Variants in COL18A1 observed in about 807,000 individuals in gnomAD.
The protein encoded by COL18A1 is collagen type XVIII alpha 1 chain, also known as collagen alpha-1(XVIII) chain.
A neutral mutation model predicts 168.0 loss-of-function variants in COL18A1; 133 were observed. The ratio of observed to expected loss-of-function variants is 0.79; its 90% confidence interval spans 0.69 to 0.91. The LOEUF (loss-of-function observed/expected upper bound fraction) is 0.91, where lower values mean the gene tolerates loss of function less well. Ranked by LOEUF, COL18A1 falls within the 40% of genes least tolerant of loss-of-function variation. The pLI is 0.00. For synonymous variants in COL18A1, 949 were observed against 809.0 expected, an observed-to-expected ratio of 1.17 and a Z score of -2.94; for missense variants, 2,126 against 1,925.4, an observed-to-expected ratio of 1.10 and a Z score of -1.95.
At position 45,475,515 on chromosome 21, in the gene COL18A1, G is replaced by A; in HGVS notation, c.778G>A (p.Glu260Lys). 1 of 1,607,196 alleles carries A rather than the reference G, an allele frequency of 6.2e-7. No individual in the cohort carries two copies. The highest frequency in any genetic ancestry group is 8.5e-7 in the Non-Finnish European group (1 of 1,178,436). ...TGGCAGCGGGCTCGGGGACGCCCGG[G>A]AGCTTCTCAGGGAGGAGACGGTGAG... ...DSGSGLGDAR[E>K]LLREETGAAL... The change falls in exon 5 of 42, where the codon GAG becomes AAG. Residue 260 changes from glutamate to lysine, a missense_variant. Transcript: ENST00000651438.
At position 45,494,863 on chromosome 21, in the gene COL18A1, G is replaced by C. The variant is rs746791475; in HGVS notation, c.2381G>C (p.Gly794Ala). ...KGEPGFRGPP[G>A]PYGRPGYKGE... ...AGCCTGGCCCCCTTCCTCTTGCAGG[G>C]TCCATACGGACGGCCGGGGTACAAG... Residue 794 changes from glycine (G) to alanine (A), a missense_variant and splice_region_variant, in exon 28 of 42, where the codon GGT becomes GCT. Transcript: ENST00000651438. The C allele has an allele frequency of 3.0e-5, 48 of 1,608,634 alleles. 4 individuals are homozygous for C. In the South Asian group the frequency reaches 5.3e-4, roughly 18 times the overall value.
chr21:45,432,385 C>T (rs997724248), intron 2 of COL18A1, among the ~76,000 whole-genome samples: 1 of 152,224 alleles, frequency 6.6e-6, no homozygotes, highest in Non-Finnish European at 1.5e-5. Flanking sequence ...TGATTGCCTC[C>T]AGGTTTAAAT....
intron 26 of COL18A1, 154 bp from the exon 27 acceptor site, chr21:45,494,391 G>T: frequency 1.9e-6 from 2 of 1,072,284 alleles, no homozygotes; most frequent in Admixed American, 3.8e-5. Flanking sequence ...GGACGGCCCA[G>T]TGCACCCAAA....
At chr21:45,412,206 G>A (rs1395005611) in intron 2 of COL18A1, among the ~76,000 whole-genome samples, 1 of 150,094 alleles carries the variant, frequency 6.7e-6, no homozygotes, top group African/African-American at 2.5e-5. Flanking sequence ...TTAACTGGGG[G>A]TATGATATTT....
intron 6 of COL18A1, among the ~76,000 whole-genome samples, chr21:45,476,921 T>TTGTG (rs56196443): frequency 0.016 from 2,279 of 146,900 alleles, 20 homozygotes; most frequent in African/African-American, 0.025. Flanking sequence ...ATTATGTGTT[T>TTGTG]TGTGTGTGTG....
intron 2 of COL18A1, among the ~76,000 whole-genome samples, chr21:45,453,211 A>C (rs2034688214): frequency 1.3e-5 from 2 of 152,140 alleles, no homozygotes; most frequent in Non-Finnish European, 2.9e-5. Flanking sequence ...GTGACATGTG[A>C]GCATGTATGT....
chr21:45,439,920 T>A lies in COL18A1; in HGVS notation c.107-28322T>A, dbSNP rs1043022355. 2.6e-5 allele frequency among the ~76,000 whole-genome samples: 4 copies of A among 152,158 alleles called. No homozygotes were observed. In the South Asian group the frequency reaches 8.3e-4, roughly 31 times the overall value. ...TAGGCCTGGGAGATGGGAGTGTTTGTCTGATGACTTCCTGAGCGAAAGCAA... is the reference window on the plus strand; with the variant it reads ...TAGGCCTGGGAGATGGGAGTGTTTGACTGATGACTTCCTGAGCGAAAGCAA... On this transcript the variant is annotated intron_variant, in intron 2 of 41. Transcript: ENST00000651438.
Position 45,476,486 on chromosome 21 carries a change from C to T in COL18A1, c.928+6C>T. On this transcript the variant is annotated splice_donor_region_variant and intron_variant, in intron 6 of 41. Coordinates refer to ENST00000651438, the MANE Select transcript of COL18A1 (RefSeq NM_001379500.1). ...CACGGTGGCTTCGTTAGGAGGTAAG[C>T]TCTTTTCTGGATGTGGTGTGTGTGT... is the stretch of plus-strand genomic sequence containing the variant. 6.3e-7 allele frequency: 1 copy of T among 1,596,554 alleles called. No homozygotes were observed. The highest frequency in any genetic ancestry group is 8.5e-7 in the Non-Finnish European group (1 of 1,171,214).
At chr21:45,466,447 C>G (rs570724188) in intron 2 of COL18A1, among the ~76,000 whole-genome samples, 2 of 152,306 alleles carry the variant, frequency 1.3e-5, no homozygotes, top group African/African-American at 4.8e-5. Flanking sequence ...CCACCATACC[C>G]AGGAAGGTTG....
Position 45,468,528 on chromosome 21 carries a change from GCACCAGGAC to G in COL18A1, c.394_402del (p.His132_Asp134del). The stretch of plus-strand genomic sequence containing the variant: ...TGAAGCTCTCTGGGGTGCAGGACGG[GCACCAGGAC>G]ATCTCCCTGCTCTACACAGAACCAG... On this transcript the variant is annotated inframe_deletion, in exon 3 of 42. Coordinates refer to ENST00000651438, the MANE Select transcript of COL18A1 (RefSeq NM_001379500.1). The G allele has an allele frequency of 6.2e-7, 1 of 1,613,282 alleles. No individual in the cohort carries two copies. The highest frequency in any genetic ancestry group is 8.5e-7 in the Non-Finnish European group (1 of 1,179,816).
At position 45,473,331 on chromosome 21, in the gene COL18A1, G is replaced by T. The variant is rs911753099; in HGVS notation, c.652-564G>T. 6.6e-6 allele frequency among the ~76,000 whole-genome samples: 1 copy of T among 152,222 alleles called. No individual in the cohort carries two copies. Among genetic ancestry groups the T allele is most frequent in the Non-Finnish European group, 1.5e-5 (1 of 68,032 alleles). Reference sequence around the variant, plus strand: ...GTAGGTGGGTGAGTGAGTGAGATTGGGTCCGGACGGAATGGGCGCAGAGAT... The same window carrying T: ...GTAGGTGGGTGAGTGAGTGAGATTGTGTCCGGACGGAATGGGCGCAGAGAT... On this transcript the variant is annotated intron_variant, in intron 3 of 41. Transcript: ENST00000651438. The surrounding 1 kb of genome is among the most constrained non-coding windows in gnomAD (Gnocchi z 4.0).
chr21:45,504,789 GC>G (rs2146077633), intron 34 of COL18A1, among the ~76,000 whole-genome samples: 1 of 152,240 alleles, frequency 6.6e-6, no homozygotes, highest in East Asian at 1.9e-4. Flanking sequence ...CTGCCCTCCT[GC>G]TGGGGCCACG....
At chr21:45,504,083 C>A in intron 33 of COL18A1, 29 bp downstream of exon 33, 1 of 1,611,462 alleles carries the variant, frequency 6.2e-7, no homozygotes. Context: ...GGGTTGGGGG[C>A]CCCCAAGGTC....
At chr21:45,446,443 C>G (rs1283967375) in intron 2 of COL18A1, among the ~76,000 whole-genome samples, 1 of 152,200 alleles carries the variant, frequency 6.6e-6, no homozygotes, top group Non-Finnish European at 1.5e-5. Flanking sequence ...GCAAACTACT[C>G]AAACTGATTC....
chr21:45,490,437 CCCGGGTCCCTGGGTCTCCAT>C (rs2036277351), intron 20 of COL18A1, 91 bp downstream of exon 20: 1 of 1,141,576 alleles, frequency 8.8e-7, no homozygotes. Flanking sequence ...GATGTGCCCT[CCCGGGTCCCTGGGTCTCCAT>C]GTGCCCTCGT....
rs545396645 is a variant in COL18A1 at position 45,466,247 on chromosome 21, G to A, written c.107-1995G>A. ...CGGAGAGTCCCAGCCAGAGGTACCC[G>A]CTGCTCTCCTGCGGGGAGGATGCTG... is the stretch of plus-strand genomic sequence containing the variant. On this transcript the variant is annotated intron_variant, in intron 2 of 41. Transcript: ENST00000651438. Among the ~76,000 whole-genome samples, 6 of 152,278 alleles carry A rather than the reference G, an allele frequency of 3.9e-5. No individual in the cohort carries two copies. The South Asian group carries it at 1.0e-3, about 26-fold the overall frequency.
intron 15 of COL18A1, among the ~76,000 whole-genome samples, chr21:45,484,713 A>G (rs891591963): frequency 2.6e-5 from 4 of 152,232 alleles, no homozygotes; most frequent in Non-Finnish European, 4.4e-5. Flanking sequence ...GCACACATGC[A>G]CACACATCTC....
At chr21:45,444,638 G>A (rs60616948) in intron 2 of COL18A1, among the ~76,000 whole-genome samples, 3 of 152,086 alleles carry the variant, frequency 2.0e-5, no homozygotes, top group Non-Finnish European at 2.9e-5. Flanking sequence ...CGTGCAGGGC[G>A]AGAGAGGCTC....
chr21:45,467,216 G>A (rs1262270926), intron 2 of COL18A1: 1 of 984,990 alleles, frequency 1.0e-6, no homozygotes, highest in Non-Finnish European at 1.2e-6. Flanking sequence ...CAGGAAACGA[G>A]GTGTGAGAAC....
Sources: gnomAD v4.1 joint callset for allele counts (sites outside exome capture counted in the v4.1 genomes callset) on GRCh38, gnomAD v4.1.1 for gene constraint, Gnocchi (gnomAD v3.1) non-coding constraint, MANE v1.5 for transcripts, NCBI Gene and HGNC (gene_info 2026-07-23, HGNC 2026-07-21) for gene names.